Variants in FHIT observed in about 807,000 individuals in gnomAD.
FHIT encodes the protein fragile histidine triad diadenosine triphosphatase.
FHIT carries 19 observed loss-of-function variants against 17.9 expected under a neutral mutation model. The ratio of observed to expected loss-of-function variants is 1.06; its 90% CI spans 0.74 to 1.56. FHIT has a LOEUF of 1.56. Among genes scored for constraint, FHIT ranks in the 40% most tolerant of loss-of-function variants. The probability of loss-of-function intolerance (pLI) is 0.00; values close to 1 mark genes in which losing one functional copy is unlikely to be tolerated. For missense variants in FHIT, 248 were observed against 189.2 expected (o/e 1.31, Z -1.82); for synonymous variants, 81 against 69.7 (o/e 1.16, Z -0.81).
At chr3:60,139,829 A>AAAATGGTT (rs1039108818) in intron 5 of FHIT, among the ~76,000 whole-genome samples, 5 of 146,496 alleles carry the variant, frequency 3.4e-5, no homozygotes, top group Non-Finnish European at 5.9e-5. Flanking sequence ...TTAAAAAAAA[A>AAAATGGTT]AAATGGTTAA....
intron 4 of FHIT, among the ~76,000 whole-genome samples, chr3:60,724,538 G>A (rs2041874773): frequency 6.6e-6 from 1 of 151,854 alleles, no homozygotes; most frequent in Non-Finnish European, 1.5e-5. Context: ...TAACTTTTAG[G>A]ACATTTTCAA....
intron 5 of FHIT, among the ~76,000 whole-genome samples, chr3:60,319,067 C>A (rs1454680817): frequency 3.9e-5 from 6 of 152,144 alleles, no homozygotes; most frequent in Non-Finnish European, 8.8e-5. Flanking sequence ...CCTGCACCCA[C>A]CCACTTTATC....
intron 1 of FHIT, among the ~76,000 whole-genome samples, chr3:61,204,952 C>A (rs1471298618): frequency 6.6e-6 from 1 of 151,480 alleles, no homozygotes; most frequent in Admixed American, 6.6e-5. Flanking sequence ...TTAGGTATAT[C>A]TCCTAATGCC....
In FHIT at chr3:59,748,598, C is replaced by T. The variant is rs1425462259; in HGVS notation, c.*987G>A. 6.6e-6 allele frequency among the ~76,000 whole-genome samples: 1 copy of T among 151,844 alleles called. No homozygotes were observed. The highest frequency in any genetic ancestry group is 2.4e-5 in the African/African-American group (1 of 41,328). On this transcript the variant is annotated 3_prime_UTR_variant, in exon 10 of 10. Transcript: ENST00000492590. Reference sequence around the variant, plus strand: ...GGAGGTCCTCAAGGCAGAAATAGGCCAGTAGATAAGGTGAAGAGGCTAAGA... The same window carrying T: ...GGAGGTCCTCAAGGCAGAAATAGGCTAGTAGATAAGGTGAAGAGGCTAAGA...
At chr3:61,229,890 T>G (rs1227731660) in intron 1 of FHIT, among the ~76,000 whole-genome samples, 1 of 152,124 alleles carries the variant, frequency 6.6e-6, no homozygotes, top group African/African-American at 2.4e-5. Flanking sequence ...TTATATTGTT[T>G]GGGAGGCTGG....
At chr3:60,339,770 T>C (rs940356414) in intron 5 of FHIT, among the ~76,000 whole-genome samples, 13 of 152,216 alleles carry the variant, frequency 8.5e-5, no homozygotes, top group African/African-American at 1.7e-4. Flanking sequence ...ACTCAAGCTC[T>C]GGTGTTCCTG....
At chr3:60,792,833 CTT>C (rs34640191) in intron 4 of FHIT, among the ~76,000 whole-genome samples, 15 of 144,122 alleles carry the variant, frequency 1.0e-4, no homozygotes, top group East Asian at 2.1e-4. Flanking sequence ...AAAACAATTT[CTT>C]TTTTTTTTTT....
intron 7 of FHIT, among the ~76,000 whole-genome samples, chr3:59,969,380 ACAAAACAGTCCC>A (rs1425662118): frequency 6.6e-6 from 1 of 152,118 alleles, no homozygotes; most frequent in Non-Finnish European, 1.5e-5. Context: ...TTCTATCCAT[ACAAAACAGTCCC>A]CAAACCCCCA....
At chr3:60,207,056 G>T (rs1703227996) in intron 5 of FHIT, among the ~76,000 whole-genome samples, 2 of 151,914 alleles carry the variant, frequency 1.3e-5, no homozygotes, top group Non-Finnish European at 1.5e-5. Flanking sequence ...TGGGATAAAG[G>T]AAAAACCATT....
At chr3:60,121,553 G>A (rs1417842484) in intron 5 of FHIT, among the ~76,000 whole-genome samples, 1 of 152,062 alleles carries the variant, frequency 6.6e-6, no homozygotes, top group African/African-American at 2.4e-5. Flanking sequence ...GCGTGGTGGT[G>A]CGTGCCAGTA....
intron 6 of FHIT, among the ~76,000 whole-genome samples, chr3:60,011,959 C>T (rs1248660929): frequency 3.9e-5 from 6 of 152,164 alleles, no homozygotes; most frequent in African/African-American, 1.2e-4. Flanking sequence ...AATGGGCAAA[C>T]TCACCAAGTC....
At chr3:60,835,678 C>T (rs1228278656) in intron 3 of FHIT, among the ~76,000 whole-genome samples, 1 of 152,270 alleles carries the variant, frequency 6.6e-6, no homozygotes, top group Admixed American at 6.5e-5. Context: ...CAGGTATTGG[C>T]ACAAACACAA....
chr3:60,333,461 AG>A (rs1710085207), intron 5 of FHIT, among the ~76,000 whole-genome samples: 1 of 116,118 alleles, frequency 8.6e-6, no homozygotes, highest in Non-Finnish European at 1.8e-5. Context: ...GTGCCCTAAA[AG>A]GCATATTTGA....
chr3:60,521,833 G>C (rs954963047), intron 5 of FHIT, among the ~76,000 whole-genome samples: 1 of 152,200 alleles, frequency 6.6e-6, no homozygotes, highest in African/African-American at 2.4e-5. Context: ...CAGTAAATGA[G>C]GCAGTAGAGC....
At chr3:60,649,168 C>T (rs2039933480) in intron 4 of FHIT, among the ~76,000 whole-genome samples, 1 of 152,140 alleles carries the variant, frequency 6.6e-6, no homozygotes, top group Admixed American at 6.5e-5. Flanking sequence ...GAGGCCGAGA[C>T]GGGTGGATCA....
At chr3:60,860,514 A>AT (rs1703688172) in intron 3 of FHIT, among the ~76,000 whole-genome samples, 1 of 117,354 alleles carries the variant, frequency 8.5e-6, no homozygotes, top group Non-Finnish European at 1.7e-5. Flanking sequence ...TATATATGAT[A>AT]CATATGTATC....
intron 5 of FHIT, among the ~76,000 whole-genome samples, chr3:60,482,498 A>G (rs989034494): frequency 6.6e-6 from 1 of 152,208 alleles, no homozygotes; most frequent in Non-Finnish European, 1.5e-5. Context: ...CAGTGCAATC[A>G]AATTAGAACT....
intron 2 of FHIT, among the ~76,000 whole-genome samples, chr3:61,088,014 A>G (rs976924915): frequency 5.9e-5 from 9 of 152,142 alleles, no homozygotes; most frequent in Admixed American, 2.0e-4. Context: ...TGCTATTTGA[A>G]TGACTAAAAT....
intron 4 of FHIT, among the ~76,000 whole-genome samples, chr3:60,630,277 G>A (rs1265724930): frequency 1.3e-5 from 2 of 152,212 alleles, no homozygotes; most frequent in Admixed American, 6.5e-5. Flanking sequence ...GACAACCAGT[G>A]TGAGGAAGTC....
Sources: allele counts gnomAD v4.1 joint callset (sites outside exome capture counted in the v4.1 genomes callset), GRCh38; gene constraint gnomAD v4.1.1; transcripts MANE v1.5; gene names NCBI Gene and HGNC (gene_info 2026-07-23, HGNC 2026-07-21).